RBFOX1: variants seen among roughly 807,000 people sequenced by gnomAD.
RBFOX1 encodes the protein RNA binding protein fox-1 homolog 1.
A neutral mutation model predicts 57.7 loss-of-function variants in RBFOX1; 8 were observed. The observed-to-expected ratio is 0.14, with a 90% confidence interval of 0.08 to 0.25. The LOEUF is 0.25. RBFOX1 is among the 10% of genes least tolerant of loss of function. The pLI, the probability that RBFOX1 is intolerant of heterozygous loss-of-function variation, is 1.00. For missense variants in RBFOX1, 611 were observed against 548.5 expected, an observed-to-expected ratio of 1.11 and a Z score of -1.14; for synonymous variants, 326 against 222.4, an observed-to-expected ratio of 1.47 and a Z score of -4.15.
chr16:7,424,257 T>C (rs913641606), intron 4 of RBFOX1, among the ~76,000 whole-genome samples: 5 of 149,140 alleles, frequency 3.4e-5, no homozygotes, highest in Non-Finnish European at 7.5e-5. Flanking sequence ...AATATGAATA[T>C]ATATATATAC....
intron 3 of RBFOX1, among the ~76,000 whole-genome samples, chr16:5,657,008 G>C (rs938688410): frequency 6.6e-6 from 1 of 152,086 alleles, no homozygotes; most frequent in Non-Finnish European, 1.5e-5. Context: ...TAGATGATGG[G>C]TTGATGGGTG....
At chr16:5,905,061 G>A (rs915421864) in intron 4 of RBFOX1, among the ~76,000 whole-genome samples, 1 of 128,636 alleles carries the variant, frequency 7.8e-6, no homozygotes, top group Non-Finnish European at 1.6e-5. Flanking sequence ...CATATGACTG[G>A]TGCTTTTTTT....
chr16:6,492,381 A>C (rs556395363), intron 2 of RBFOX1, among the ~76,000 whole-genome samples: 4 of 152,282 alleles, frequency 2.6e-5, no homozygotes, highest in African/African-American at 9.6e-5. Context: ...CAGCCTGGCC[A>C]ACATAGTGGA....
intron 3 of RBFOX1, among the ~76,000 whole-genome samples, chr16:6,845,074 A>T (rs2093685438): frequency 6.6e-6 from 1 of 152,048 alleles, no homozygotes; most frequent in Admixed American, 6.6e-5. Context: ...TACACTCTGG[A>T]TATTAGACCT....
At chr16:6,128,713 AT>A (rs1382566037) in intron 1 of RBFOX1, among the ~76,000 whole-genome samples, 1 of 152,180 alleles carries the variant, frequency 6.6e-6, no homozygotes, top group Non-Finnish European at 1.5e-5. Flanking sequence ...CTGACTATCC[AT>A]GTCCAGGGTG....
In RBFOX1 at chr16:6,553,705, G is replaced by A. The variant is rs563581979; in HGVS notation, c.-63-100898G>A. On this transcript the variant is annotated intron_variant, in intron 2 of 15. Coordinates refer to ENST00000550418, the MANE Select transcript of RBFOX1 (RefSeq NM_018723.4). ...TGTTTTAAGGATGGGCCACTTCTAT[G>A]AATGGTTGGAAGAATGGAGGAGAGA... Among the ~76,000 whole-genome samples, 76 of 152,286 alleles carry A rather than the reference G, an allele frequency of 5.0e-4. 1 individual carries two copies. In the South Asian group the frequency reaches 0.015, roughly 31 times the overall value.
chr16:5,724,202 G>A (rs901524572), intron 3 of RBFOX1, among the ~76,000 whole-genome samples: 2 of 152,200 alleles, frequency 1.3e-5, no homozygotes, highest in Non-Finnish European at 2.9e-5. Flanking sequence ...CTTTGGAGCA[G>A]TGTCCTGAGC....
intron 3 of RBFOX1, among the ~76,000 whole-genome samples, chr16:6,881,936 T>C (rs1009163225): frequency 3.3e-5 from 5 of 152,144 alleles, no homozygotes; most frequent in East Asian, 1.9e-4. Flanking sequence ...TGCTGGCTAA[T>C]TGACATAGTG....
At chr16:7,687,875 G>A (rs985641149) in intron 14 of RBFOX1, among the ~76,000 whole-genome samples, 4 of 151,970 alleles carry the variant, frequency 2.6e-5, no homozygotes, top group East Asian at 1.9e-4. Flanking sequence ...TGAGTTCTCC[G>A]TGCTGGCTGA....
chr16:5,547,832 G>A (rs1235083705), intron 2 of RBFOX1, among the ~76,000 whole-genome samples: 1 of 151,966 alleles, frequency 6.6e-6, no homozygotes, highest in Non-Finnish European at 1.5e-5. Flanking sequence ...ATTTATAAGT[G>A]GGAGCTAAAC....
chr16:5,479,786 C>T (rs2069461001), intron 2 of RBFOX1, among the ~76,000 whole-genome samples: 1 of 151,854 alleles, frequency 6.6e-6, no homozygotes, highest in Admixed American at 6.6e-5. Flanking sequence ...AGAATTATTT[C>T]TCCCCTGCTA....
chr16:5,458,615 C>T (rs1054487884), intron 1 of RBFOX1, among the ~76,000 whole-genome samples: 1 of 152,240 alleles, frequency 6.6e-6, no homozygotes, highest in Non-Finnish European at 1.5e-5. Context: ...CAGCCACATT[C>T]TTAACTATGA....
At chr16:6,886,778 C>T (rs868517130) in intron 3 of RBFOX1, among the ~76,000 whole-genome samples, 1 of 136,400 alleles carries the variant, frequency 7.3e-6, no homozygotes, top group Non-Finnish European at 1.6e-5. Flanking sequence ...CAAAACAAAA[C>T]AAAACAAAAA....
intron 5 of RBFOX1, among the ~76,000 whole-genome samples, chr16:7,568,362 C>A (rs925310917): frequency 6.6e-6 from 1 of 152,134 alleles, no homozygotes; most frequent in Non-Finnish European, 1.5e-5. Flanking sequence ...CATAGGGTAA[C>A]CTCCTGACAT....
chr16:7,128,861 G>A (rs149352669), intron 4 of RBFOX1, among the ~76,000 whole-genome samples: 1,885 of 133,860 alleles, frequency 0.014, 23 homozygotes, highest in Non-Finnish European at 0.023. Flanking sequence ...TCACTTTGTC[G>A]CCAGGCTGGA....
chr16:7,025,417 T>A (rs2040601015), intron 3 of RBFOX1, among the ~76,000 whole-genome samples: 1 of 152,194 alleles, frequency 6.6e-6, no homozygotes, highest in South Asian at 2.1e-4. Context: ...TATTTTGTGC[T>A]GACCTCCTAT....
At chr16:7,653,601 C>A (rs1253972081) in intron 11 of RBFOX1, among the ~76,000 whole-genome samples, 1 of 152,214 alleles carries the variant, frequency 6.6e-6, no homozygotes, top group Admixed American at 6.5e-5. Flanking sequence ...TTCTCCTGGG[C>A]AAAGGGCCCA....
chr16:6,877,736 A>G (rs183415144), intron 3 of RBFOX1, among the ~76,000 whole-genome samples: 1 of 152,324 alleles, frequency 6.6e-6, no homozygotes, highest in Non-Finnish European at 1.5e-5. Flanking sequence ...CAATATAGTA[A>G]GAATTATTTC....
intron 14 of RBFOX1, among the ~76,000 whole-genome samples, chr16:7,708,671 C>T (rs1038299631): frequency 1.3e-5 from 2 of 152,202 alleles, no homozygotes; most frequent in Non-Finnish European, 2.9e-5. Context: ...GAGAAAAAGG[C>T]ACTCTCTTGA....
Sources: allele counts gnomAD v4.1 joint callset (sites outside exome capture counted in the v4.1 genomes callset), GRCh38; gene constraint gnomAD v4.1.1; transcripts MANE v1.5; gene names NCBI Gene and HGNC (gene_info 2026-07-23, HGNC 2026-07-21).